LRTM3: variants seen among roughly 807,000 people sequenced by gnomAD.
The protein encoded by LRTM3 is leucine-rich repeat transmembrane protein 3.
chr13:102,748,561 T>C, the LRTM3 span: 1 of 1,550,764 alleles, frequency 6.4e-7, no homozygotes, highest in African/African-American at 1.4e-5. Context: ...GTATTTTCAT[T>C]CTATTGTTCG....
the LRTM3 span, chr13:102,737,355 T>C: frequency 7.1e-6 from 11 of 1,550,968 alleles, no homozygotes; most frequent in South Asian, 1.3e-4. Flanking sequence ...CCTTCTTTTC[T>C]TGTGTTCAAT....
At chr13:102,740,560 A>C in the LRTM3 span, 1 of 1,548,964 alleles carries the variant, frequency 6.5e-7, no homozygotes, top group Non-Finnish European at 8.7e-7. Context: ...GTCTTTTTTT[A>C]CTGTTTTGAG....
chr13:102,741,850 G>A, the LRTM3 span: 28 of 1,550,124 alleles, frequency 1.8e-5, no homozygotes, highest in African/African-American at 6.9e-5. Flanking sequence ...GTGGGGCATC[G>A]AAACTACTGT....
chr13:102,757,940 C>T, the LRTM3 span, among the ~76,000 whole-genome samples: 1 of 152,162 alleles, frequency 6.6e-6, no homozygotes, highest in Admixed American at 6.5e-5. Flanking sequence ...ATATTGATAG[C>T]ATCAAGAGTT....
At chr13:102,743,188 C>T in the LRTM3 span, 14 of 1,550,554 alleles carry the variant, frequency 9.0e-6, no homozygotes, top group African/African-American at 4.1e-5. Flanking sequence ...GTTTTGCTCC[C>T]TTTACCAAGT....
chr13:102,743,283 T>A, the LRTM3 span: 2 of 1,550,586 alleles, frequency 1.3e-6, no homozygotes, highest in Non-Finnish European at 1.7e-6. Flanking sequence ...TGTGTATGAC[T>A]TAACCCTGAT....
the LRTM3 span, chr13:102,731,968 T>G: frequency 1.3e-6 from 2 of 1,551,354 alleles, no homozygotes; most frequent in Non-Finnish European, 1.7e-6. Context: ...CAATCCGTTC[T>G]TTTGTTTGTG....
At chr13:102,752,624 A>T in the LRTM3 span, among the ~76,000 whole-genome samples, 2 of 152,264 alleles carry the variant, frequency 1.3e-5, no homozygotes, top group East Asian at 3.8e-4. Context: ...AATATTTAAA[A>T]TATGTTAGTT....
chr13:102,735,171 T>C, the LRTM3 span: 2 of 1,551,350 alleles, frequency 1.3e-6, no homozygotes, highest in Non-Finnish European at 1.7e-6. Flanking sequence ...TGAAGATCAC[T>C]GAAACTGTGC....
the LRTM3 span, chr13:102,743,078 T>C: frequency 6.4e-7 from 1 of 1,550,424 alleles, no homozygotes. Flanking sequence ...AAGATGACGA[T>C]CCTTTCTAAG....
chr13:102,735,524 T>G, the LRTM3 span: 1 of 1,551,126 alleles, frequency 6.4e-7, no homozygotes, highest in Non-Finnish European at 8.7e-7. Flanking sequence ...TTCCTGAATC[T>G]TTCTCTTTTG....
chr13:102,742,058 C>A, the LRTM3 span: 12 of 1,550,502 alleles, frequency 7.7e-6, no homozygotes, highest in East Asian at 2.4e-4. Context: ...TGGAAGAATG[C>A]ATGTCCTGTC....
the LRTM3 span, chr13:102,749,932 A>T: frequency 6.4e-7 from 1 of 1,551,260 alleles, no homozygotes. Flanking sequence ...AAGGAATTTG[A>T]TTCCTCACAT....
chr13:102,730,093 T>G, the LRTM3 span: 1 of 1,550,814 alleles, frequency 6.4e-7, no homozygotes, highest in African/African-American at 1.4e-5. Flanking sequence ...TGGAAGATGA[T>G]CTATATTTCC....
At chr13:102,749,432 T>G in the LRTM3 span, 1 of 1,551,370 alleles carries the variant, frequency 6.4e-7, no homozygotes, top group Non-Finnish European at 8.7e-7. Context: ...AACGAGAAAT[T>G]CAGCATTCTT....
the LRTM3 span, chr13:102,740,361 C>T: frequency 1.9e-6 from 3 of 1,550,036 alleles, no homozygotes; most frequent in Non-Finnish European, 2.6e-6. Context: ...CTTAGCTGAT[C>T]TGCAGAAAAC....
chr13:102,744,467 T>C, the LRTM3 span: 11 of 1,550,716 alleles, frequency 7.1e-6, no homozygotes, highest in Non-Finnish European at 9.6e-6. Context: ...AAATGAAGTC[T>C]TTAGACCTTC....
the LRTM3 span, chr13:102,729,605 G>T: frequency 6.5e-7 from 1 of 1,544,072 alleles, no homozygotes; most frequent in Non-Finnish European, 8.7e-7. Context: ...CCAGCGAATG[G>T]TTTTGGGTAT....
chr13:102,743,746 G>T, the LRTM3 span: 1 of 1,549,552 alleles, frequency 6.5e-7, no homozygotes, highest in South Asian at 1.2e-5. Context: ...TATGTTTTCT[G>T]GTAGACTCTC....
Sources: allele counts gnomAD v4.1 joint callset (sites outside exome capture counted in the v4.1 genomes callset), GRCh38; gene constraint gnomAD v4.1.1; transcripts MANE v1.5; gene names NCBI Gene and HGNC (gene_info 2026-07-23, HGNC 2026-07-21).